The following CLMN variants were observed in gnomAD, a reference collection of about 807,000 sequenced individuals.
The protein encoded by CLMN is calmin.
Under a neutral mutation model 92.7 loss-of-function variants are expected in CLMN, and 57 were observed. The observed-to-expected ratio is 0.61, with a 90% CI of 0.50 to 0.77. The LOEUF (loss-of-function observed/expected upper bound fraction) is 0.77. Among genes scored for constraint, CLMN ranks in the 30% least tolerant of loss-of-function variants. The pLI, the probability that CLMN is intolerant of heterozygous loss-of-function variation, is 0.00. For missense variants in CLMN, 1,158 were observed against 1,237.5 expected (o/e 0.94, Z 0.96); for synonymous variants, 466 against 470.6 (o/e 0.99, Z 0.13).
rs1477286612 is a variant in CLMN, at chr14:95,194,659, G to A, written c.2709-63C>T. On this transcript the variant is annotated intron_variant, in intron 10 of 12. Coordinates refer to ENST00000298912, the MANE Select transcript of CLMN (RefSeq NM_024734.4). This position sits in a 1 kb window ranked among gnomAD's most constrained non-coding sequence, Gnocchi z 4.0. ...GGAGCTCTTCATGGCTCAGTTGTAC[G>A]GTCACCCCCATCCTGGGGTTTCCAC... is the stretch of plus-strand genomic sequence containing the variant. 20 of 1,501,974 alleles carry A rather than the reference G, an allele frequency of 1.3e-5. No individual in the cohort carries two copies. Among genetic ancestry groups the A allele is most frequent in the East Asian group, 2.3e-5 (1 of 44,242 alleles). The allele number at this position is 1,501,974 out of a possible 1,614,324, so 93.0% of individuals were successfully genotyped here. A position where few individuals can be genotyped will look rare whatever the true frequency, so the allele number is the denominator to read the frequency against.
intron 2 of CLMN, among the ~76,000 whole-genome samples, chr14:95,229,475 C>T (rs1897814286): frequency 6.6e-6 from 1 of 152,056 alleles, no homozygotes. Context: ...AGAGGAGAAG[C>T]CATGGAAAGT....
intron 8 of CLMN, among the ~76,000 whole-genome samples, chr14:95,208,601 A>G (rs931935500): frequency 6.6e-6 from 1 of 152,214 alleles, no homozygotes; most frequent in Non-Finnish European, 1.5e-5. Context: ...TAATCTTAAT[A>G]AAGTTTGTCA....
At chr14:95,265,724 C>G (rs1364299006) in intron 1 of CLMN, among the ~76,000 whole-genome samples, 1 of 152,236 alleles carries the variant, frequency 6.6e-6, no homozygotes, top group Non-Finnish European at 1.5e-5. Context: ...ACAAGGCATT[C>G]TTTTCATGCT....
At chr14:95,224,025 C>T (rs966085874) in intron 2 of CLMN, among the ~76,000 whole-genome samples, 170 bp from the exon 3 acceptor site, 9 of 152,216 alleles carry the variant, frequency 5.9e-5, no homozygotes, top group African/African-American at 2.2e-4. Flanking sequence ...GGAAGTGATA[C>T]CCAGGCAGCG....
intron 1 of CLMN, among the ~76,000 whole-genome samples, chr14:95,297,755 G>C (rs978889984): frequency 4.6e-5 from 7 of 151,586 alleles, no homozygotes; most frequent in African/African-American, 1.7e-4. Context: ...TGATCCCTTT[G>C]CCAGTACAGG....
intron 4 of CLMN, among the ~76,000 whole-genome samples, chr14:95,220,258 C>T (rs958377362): frequency 7.6e-5 from 10 of 131,994 alleles, no homozygotes; most frequent in South Asian, 2.6e-4. Flanking sequence ...CTCACTGAAA[C>T]GTCCGCCTCC....
chr14:95,187,794 A>C lies in CLMN; in HGVS notation c.*3770T>G, dbSNP rs1277423637. The C allele has an allele frequency of 6.6e-6, 1 of 152,258 alleles. No individual in the cohort carries two copies. The highest frequency in any genetic ancestry group is 2.4e-5 in the African/African-American group (1 of 41,460). 9.4% of individuals were successfully genotyped at this position (152,258 alleles called of 1,614,324 possible). On this transcript the variant is annotated 3_prime_UTR_variant, in exon 13 of 13. Transcript: ENST00000298912. ...ATTGCACAGAGGCACTTGGCTAAAG[A>C]GGGCAATTAGGAGTTAAAATCTAGC...
chr14:95,208,316 G>A lies in CLMN; in HGVS notation c.885+1079C>T, dbSNP rs1381577444. ...CAATTACTAACGGATTCAAGAAAAG[G>A]CTGTCATTGCTGTCATTATTATCAG... is the stretch of plus-strand genomic sequence containing the variant. On this transcript the variant is annotated intron_variant, in intron 8 of 12. Transcript: ENST00000298912. 2.0e-5 allele frequency among the ~76,000 whole-genome samples: 3 copies of A among 152,120 alleles called. No homozygotes were observed. The East Asian group carries it at 5.8e-4, about 29-fold the overall frequency.
intron 8 of CLMN, among the ~76,000 whole-genome samples, chr14:95,206,595 A>G (rs947122257): frequency 2.6e-5 from 4 of 152,376 alleles, no homozygotes; most frequent in African/African-American, 4.8e-5. Flanking sequence ...AGAATTGTTA[A>G]GAACAGTTCA....
chr14:95,221,915 G>A, intron 3 of CLMN, 141 bp from the exon 4 acceptor site: 1 of 695,664 alleles, frequency 1.4e-6, no homozygotes, highest in Admixed American at 3.0e-5. Context: ...AAACCCACCT[G>A]GAATGCATCC....
At chr14:95,244,363 G>A (rs1246819807) in intron 1 of CLMN, among the ~76,000 whole-genome samples, 2 of 152,140 alleles carry the variant, frequency 1.3e-5, no homozygotes, top group Non-Finnish European at 2.9e-5. Flanking sequence ...TTCAGATACT[G>A]AACTGAAACC....
chr14:95,203,237 G>T lies in CLMN; in HGVS notation c.2112C>A (p.Ser704Arg), dbSNP rs140829875. 6.2e-7 allele frequency: 1 copy of T among 1,613,800 alleles called. No homozygotes were observed. Among genetic ancestry groups the T allele is most frequent in the South Asian group, 1.1e-5 (1 of 91,068 alleles). ...AGGGCTTGAAATCCAGGCCTTCTTC[G>T]CTGTGACTCCCAAGGGTCTCCAAGC... ...CVSLETLGSH[S>R]EEGLDFKPSP... The change falls in exon 9 of 13, where the codon AGC (serine) becomes AGA (arginine). Residue 704 changes from serine to arginine, a missense_variant. Transcript: ENST00000298912.
chr14:95,284,490 C>G (rs1245001214), intron 1 of CLMN, among the ~76,000 whole-genome samples: 1 of 152,198 alleles, frequency 6.6e-6, no homozygotes, highest in Non-Finnish European at 1.5e-5. Context: ...CACAGACACT[C>G]AACACCAGCA....
chr14:95,197,997 G>A (rs1324922284), intron 9 of CLMN, among the ~76,000 whole-genome samples: 1 of 146,996 alleles, frequency 6.8e-6, no homozygotes. Flanking sequence ...AGAAAAACTT[G>A]CCATTTTCTA....
chr14:95,246,629 A>G (rs1162938078), intron 1 of CLMN, among the ~76,000 whole-genome samples: 1 of 152,054 alleles, frequency 6.6e-6, no homozygotes, highest in Admixed American at 6.5e-5. Flanking sequence ...CCACCACGCC[A>G]GCTAATTTTT....
chr14:95,201,626 T>G (rs944631119), intron 9 of CLMN, among the ~76,000 whole-genome samples: 5 of 151,738 alleles, frequency 3.3e-5, no homozygotes, highest in African/African-American at 1.2e-4. Context: ...TGTGCAGGTT[T>G]GTTACATAGA....
chr14:95,255,918 T>C (rs987751951), intron 1 of CLMN, among the ~76,000 whole-genome samples: 1 of 152,210 alleles, frequency 6.6e-6, no homozygotes, highest in Non-Finnish European at 1.5e-5. Flanking sequence ...GGAGCACATG[T>C]ACCATGTTAT....
chr14:95,198,042 CTTTTTTTTTTTTT>C (rs1019598103), intron 9 of CLMN, among the ~76,000 whole-genome samples: 1 of 69,958 alleles, frequency 1.4e-5, no homozygotes, highest in Admixed American at 1.7e-4. Flanking sequence ...TTTTTTCTTT[CTTTTTTTTTTTTT>C]TTTTTTTTTT....
chr14:95,299,665 C>T (rs1008578258), intron 1 of CLMN, among the ~76,000 whole-genome samples: 5 of 152,142 alleles, frequency 3.3e-5, no homozygotes, highest in African/African-American at 9.7e-5. Flanking sequence ...AGCCAAGATT[C>T]GAGTCCAGGC....
Sources: allele counts gnomAD v4.1 joint callset (sites outside exome capture counted in the v4.1 genomes callset), GRCh38; gene constraint gnomAD v4.1.1; non-coding constraint Gnocchi (gnomAD v3.1); transcripts MANE v1.5; gene names NCBI Gene and HGNC (gene_info 2026-07-23, HGNC 2026-07-21).